The following TENM2 variants were observed in gnomAD, a reference collection of about 807,000 sequenced individuals.
TENM2 encodes teneurin-2.
A neutral mutation model predicts 245.2 loss-of-function variants in TENM2; 52 were observed. The ratio of observed to expected loss-of-function variants is 0.21; its 90% confidence interval spans 0.17 to 0.27. TENM2 has a LOEUF of 0.27. Among genes scored for constraint, TENM2 ranks in the 10% least tolerant of loss-of-function variants. TENM2 has a pLI of 1.00. For synonymous variants in TENM2, 1,363 were observed against 1,438.9 expected (o/e 0.95, Z 1.19); for missense variants, 3,046 against 3,666.8 (o/e 0.83, Z 4.37).
the TENM2 span, among the ~76,000 whole-genome samples, chr5:167,258,155 GATATT>G: frequency 6.7e-6 from 1 of 148,656 alleles, no homozygotes; most frequent in South Asian, 2.1e-4. Flanking sequence ...ATAATTTGAA[GATATT>G]ATATTTTGTA....
chr5:167,936,487 A>G (rs568903553), intron 3 of TENM2, among the ~76,000 whole-genome samples: 186 of 152,348 alleles, frequency 1.2e-3, no homozygotes, highest in Middle Eastern at 3.4e-3. Flanking sequence ...AAACAGATTT[A>G]CCAAGTTTTC....
chr5:167,887,616 C>A (rs1191752532), intron 3 of TENM2, among the ~76,000 whole-genome samples: 1 of 152,212 alleles, frequency 6.6e-6, no homozygotes, highest in East Asian at 1.9e-4. Flanking sequence ...TCCAAAATAA[C>A]AGTTCTTTCT....
intron 5 of TENM2, among the ~76,000 whole-genome samples, chr5:168,018,983 C>T (rs1027311128): frequency 1.3e-5 from 2 of 152,136 alleles, no homozygotes; most frequent in Admixed American, 6.5e-5. Flanking sequence ...AAGGAGTCGT[C>T]TGTCTGTTGG....
intron 2 of TENM2, among the ~76,000 whole-genome samples, chr5:167,747,299 T>C (rs1446234881): frequency 6.6e-6 from 1 of 152,134 alleles, no homozygotes; most frequent in Non-Finnish European, 1.5e-5. Flanking sequence ...TGTTTATAAA[T>C]GGAAAGCCCT....
At chr5:167,535,609 G>T (rs990448747) in intron 2 of TENM2, among the ~76,000 whole-genome samples, 1 of 152,128 alleles carries the variant, frequency 6.6e-6, no homozygotes, top group Non-Finnish European at 1.5e-5. Flanking sequence ...TAAAAGGGCT[G>T]GGGGAAACTA....
At chr5:167,677,936 T>C (rs187453941) in intron 2 of TENM2, among the ~76,000 whole-genome samples, 4 of 151,908 alleles carry the variant, frequency 2.6e-5, no homozygotes, top group Non-Finnish European at 5.9e-5. Context: ...AATAGGCAAT[T>C]GGTTAAATAT....
At chr5:167,731,690 C>T (rs1216965217) in intron 2 of TENM2, among the ~76,000 whole-genome samples, 2 of 144,340 alleles carry the variant, frequency 1.4e-5, no homozygotes, top group African/African-American at 5.1e-5. Flanking sequence ...GCATCAATTT[C>T]TCAGAGGTTT....
the TENM2 span, among the ~76,000 whole-genome samples, chr5:167,037,491 A>G: frequency 1.3e-5 from 2 of 152,230 alleles, no homozygotes; most frequent in African/African-American, 2.4e-5. Context: ...ATATCCAAAA[A>G]TAAAAACAAC....
At chr5:168,047,669 G>C (rs1398187553) in intron 6 of TENM2, 120 bp downstream of exon 8, 1 of 1,254,482 alleles carries the variant, frequency 8.0e-7, no homozygotes, top group Middle Eastern at 2.2e-4. Flanking sequence ...AAGAAACGGG[G>C]GGAAAAATCA....
chr5:167,360,504 C>T (rs1317940708), intron 1 of TENM2, among the ~76,000 whole-genome samples: 4 of 152,150 alleles, frequency 2.6e-5, no homozygotes, highest in Non-Finnish European at 5.9e-5. Context: ...GTATTCCCAG[C>T]TCCCATATGG....
At chr5:167,215,313 GAT>G in the TENM2 span, among the ~76,000 whole-genome samples, 2 of 152,188 alleles carry the variant, frequency 1.3e-5, no homozygotes, top group Admixed American at 6.5e-5. Flanking sequence ...TGTGAGTTTT[GAT>G]ATGTTTTCGA....
At chr5:167,401,495 A>C (rs1300084564) in intron 2 of TENM2, among the ~76,000 whole-genome samples, 2 of 152,112 alleles carry the variant, frequency 1.3e-5, no homozygotes, top group Admixed American at 6.6e-5. Context: ...GAAGTCTTTA[A>C]ATTTTTAAAA....
the TENM2 span, among the ~76,000 whole-genome samples, chr5:166,994,032 C>T: frequency 6.6e-6 from 1 of 152,022 alleles, no homozygotes; most frequent in Non-Finnish European, 1.5e-5. Flanking sequence ...CCCATTATGT[C>T]TGTGTGTACA....
chr5:167,411,302 T>C (rs143184626), intron 2 of TENM2, among the ~76,000 whole-genome samples: 111 of 152,238 alleles, frequency 7.3e-4, no homozygotes, highest in African/African-American at 2.5e-3. Context: ...TCATCTGAGG[T>C]ACTGGATTTC....
intron 6 of TENM2, among the ~76,000 whole-genome samples, chr5:168,052,358 T>C (rs1789172793): frequency 6.7e-6 from 1 of 150,050 alleles, no homozygotes; most frequent in Non-Finnish European, 1.5e-5. Flanking sequence ...GCCACTGCAC[T>C]CCAGCCTGGG....
the TENM2 span, among the ~76,000 whole-genome samples, chr5:167,095,739 C>G: frequency 6.7e-6 from 1 of 149,622 alleles, no homozygotes; most frequent in Non-Finnish European, 1.5e-5. Flanking sequence ...AAACAAGATA[C>G]AGAGCATTTC....
At chr5:167,892,921 T>A (rs768023831) in intron 3 of TENM2, among the ~76,000 whole-genome samples, 1 of 152,208 alleles carries the variant, frequency 6.6e-6, no homozygotes, top group Admixed American at 6.5e-5. Context: ...TTATCATGAT[T>A]GTTTATTAAT....
chr5:167,776,594 A>G (rs10475861), intron 2 of TENM2, among the ~76,000 whole-genome samples: 5,798 of 13,994 alleles, frequency 0.41, 388 homozygotes, highest in Non-Finnish European at 0.46. Context: ...ACCCTGTCTG[A>G]AAAAAAAAAA....
intron 2 of TENM2, among the ~76,000 whole-genome samples, chr5:167,832,850 A>T (rs1023940503): frequency 6.6e-6 from 1 of 150,430 alleles, no homozygotes; most frequent in Non-Finnish European, 1.5e-5. Flanking sequence ...CAATTCTGTC[A>T]TATTCTTAAC....
Sources: gnomAD v4.1 joint callset for allele counts (sites outside exome capture counted in the v4.1 genomes callset) on GRCh38, gnomAD v4.1.1 for gene constraint, MANE v1.5 for transcripts, NCBI Gene and HGNC (gene_info 2026-07-23, HGNC 2026-07-21) for gene names.